METTL8: variants seen among roughly 807,000 people sequenced by gnomAD.
METTL8 encodes tRNA N(3)-cytidine methyltransferase METTL8, mitochondrial.
A neutral mutation model predicts 48.7 loss-of-function variants in METTL8; 32 were observed. The observed-to-expected ratio is 0.66, with a 90% CI of 0.50 to 0.88. The LOEUF is 0.88. METTL8 is among the 40% of genes least tolerant of loss of function. METTL8 has a pLI of 0.00. For missense variants in METTL8, 464 were observed against 474.4 expected, an observed-to-expected ratio of 0.98 and a Z score of 0.20; for synonymous variants, 136 against 157.1, an observed-to-expected ratio of 0.87 and a Z score of 1.01.
At chr2:171,411,345 C>T (rs1017336830) in intron 1 of METTL8, among the ~76,000 whole-genome samples, 3 of 152,140 alleles carry the variant, frequency 2.0e-5, no homozygotes, top group African/African-American at 7.2e-5. Flanking sequence ...CAGAAAAATA[C>T]TACAGGGAGA....
intron 2 of METTL8, among the ~76,000 whole-genome samples, chr2:171,374,462 T>C (rs1469218089): frequency 1.3e-5 from 2 of 152,214 alleles, no homozygotes; most frequent in Non-Finnish European, 2.9e-5. Context: ...TATTTTCCAA[T>C]GTATGGAAGT....
intron 2 of METTL8, among the ~76,000 whole-genome samples, chr2:171,373,977 C>T (rs1686664232): frequency 6.6e-6 from 1 of 152,098 alleles, no homozygotes; most frequent in Non-Finnish European, 1.5e-5. Flanking sequence ...TTTTTTGGTT[C>T]CATGTGAACT....
chr2:171,369,163 G>A lies in METTL8; in HGVS notation c.144-8650C>T, dbSNP rs184314507. Among the ~76,000 whole-genome samples, 77 of 151,548 alleles carry A rather than the reference G, an allele frequency of 5.1e-4. No homozygotes were observed. In the East Asian group the frequency reaches 0.013, roughly 26 times the overall value. On this transcript the variant is annotated intron_variant, in intron 2 of 9. Coordinates refer to ENST00000375258, the MANE Select transcript of METTL8 (RefSeq NM_001321154.2). The stretch of plus-strand genomic sequence containing the variant: ...CACTAAAAAATACAAAAAATTAGCC[G>A]GGCATGGTGGCAGTCGCCTGTAGTC...
intron 1 of METTL8, among the ~76,000 whole-genome samples, chr2:171,402,441 G>C (rs1349138735): frequency 6.6e-6 from 1 of 152,118 alleles, no homozygotes; most frequent in Admixed American, 6.6e-5. Flanking sequence ...CAGAAGCCAG[G>C]TTTCTCATTG....
At chr2:171,345,274 T>G (rs1687156067) in intron 3 of METTL8, among the ~76,000 whole-genome samples, 1 of 152,176 alleles carries the variant, frequency 6.6e-6, no homozygotes, top group African/African-American at 2.4e-5. Context: ...TGAATCACAC[T>G]CAACATCACA....
chr2:171,434,647 G>C, upstream of METTL8: 1 of 1,535,264 alleles, frequency 6.5e-7, no homozygotes. Context: ...CTTCTCGCGC[G>C]ACGCAGGCGT....
At chr2:171,381,663 G>A (rs1277592215) in intron 2 of METTL8, among the ~76,000 whole-genome samples, 1 of 152,048 alleles carries the variant, frequency 6.6e-6, no homozygotes, top group Non-Finnish European at 1.5e-5. Flanking sequence ...CATAATCACT[G>A]ATCTTTAGTG....
At chr2:171,388,730 A>G (rs1688306144) in intron 2 of METTL8, among the ~76,000 whole-genome samples, 1 of 152,140 alleles carries the variant, frequency 6.6e-6, no homozygotes, top group South Asian at 2.1e-4. Context: ...GAGCAAGTCT[A>G]TTGGCACCAT....
intron 1 of METTL8, among the ~76,000 whole-genome samples, chr2:171,404,091 A>ATATG (rs1689933509): frequency 9.3e-6 from 1 of 107,418 alleles, no homozygotes; most frequent in South Asian, 3.0e-4. Context: ...ATATATATAT[A>ATATG]TATATATATG....
At chr2:171,339,606 T>C in intron 3 of METTL8, 52 bp from the exon 4 acceptor site, 2 of 983,642 alleles carry the variant, frequency 2.0e-6, no homozygotes, top group Non-Finnish European at 2.9e-6. Context: ...TTATATTTAC[T>C]ATTAGCTACT....
At chr2:171,381,698 G>T (rs1687554239) in intron 2 of METTL8, among the ~76,000 whole-genome samples, 1 of 151,444 alleles carries the variant, frequency 6.6e-6, no homozygotes, top group Non-Finnish European at 1.5e-5. Flanking sequence ...ACCATGATGA[G>T]ATATCATCTC....
At chr2:171,347,720 A>G (rs1396416008) in intron 3 of METTL8, among the ~76,000 whole-genome samples, 1 of 152,224 alleles carries the variant, frequency 6.6e-6, no homozygotes, top group Non-Finnish European at 1.5e-5. Context: ...CTGCTGGCAA[A>G]GAAGCACAGT....
intron 4 of METTL8, among the ~76,000 whole-genome samples, chr2:171,338,705 T>C (rs749332847): frequency 8.6e-5 from 13 of 152,030 alleles, no homozygotes; most frequent in Non-Finnish European, 1.8e-4. Context: ...CCTTTGTTTG[T>C]AGGATTGGTG....
intron 2 of METTL8, among the ~76,000 whole-genome samples, chr2:171,366,238 G>A (rs564784117): frequency 6.6e-6 from 1 of 152,130 alleles, no homozygotes; most frequent in Non-Finnish European, 1.5e-5. Context: ...AAGCCACAGT[G>A]GAAAGATCTA....
rs574255637 is a variant in METTL8, at chr2:171,361,750, A to G, written c.144-1237T>C. On this transcript the variant is annotated intron_variant, in intron 2 of 9. Coordinates refer to ENST00000375258, the MANE Select transcript of METTL8 (RefSeq NM_001321154.2). ...TGTCACTTCAAAGTCCATCTTCTCAACTATTAGTCTATTATTTTCTACCAT... is the reference window on the plus strand; with the variant it reads ...TGTCACTTCAAAGTCCATCTTCTCAGCTATTAGTCTATTATTTTCTACCAT... Among the ~76,000 whole-genome samples, 3 of 152,290 alleles carry G rather than the reference A, an allele frequency of 2.0e-5. No homozygotes were observed. In the South Asian group the frequency reaches 6.2e-4, roughly 32 times the overall value.
At chr2:171,337,404 A>G in intron 5 of METTL8, 49 bp downstream of exon 5, 1 of 1,393,292 alleles carries the variant, frequency 7.2e-7, no homozygotes, top group African/African-American at 1.5e-5. Context: ...ATTTCTCAAC[A>G]TTCCATAAAT....
Position 171,416,091 on chromosome 2 carries a change from A to G in METTL8, c.-13+17792T>C, listed in dbSNP as rs61705038. Among the ~76,000 whole-genome samples the G allele has an allele frequency of 5.7e-3, 861 of 152,370 alleles. 9 individuals are homozygous for G. Among genetic ancestry groups the G allele is most frequent in the African/African-American group, 0.02 (843 of 41,590 alleles). ...GGCACTTGCTACACTGTTGTTTGACATTATGGCTGCTCTCTCTTTCCATTT... is the reference window on the plus strand; with the variant it reads ...GGCACTTGCTACACTGTTGTTTGACGTTATGGCTGCTCTCTCTTTCCATTT... On this transcript the variant is annotated intron_variant, in intron 1 of 9. Transcript: ENST00000375258.
rs1032087317 is a variant in METTL8 at position 171,371,941 on chromosome 2, G to A, written c.144-11428C>T. On this transcript the variant is annotated intron_variant, in intron 2 of 9. Coordinates refer to ENST00000375258, the MANE Select transcript of METTL8 (RefSeq NM_001321154.2). ...CCTGCATCAAGCGATCTTCCTGCCT[G>A]GCCTCCCATACTGCTGGGATTACAG... is the stretch of plus-strand genomic sequence containing the variant. Among the ~76,000 whole-genome samples the A allele has an allele frequency of 1.8e-4, 27 of 151,528 alleles. 1 individual carries two copies. Among genetic ancestry groups the A allele is most frequent in the Admixed American group, 1.8e-3 (27 of 15,194 alleles).
intron 3 of METTL8, among the ~76,000 whole-genome samples, chr2:171,354,546 A>C (rs946647474): frequency 7.2e-5 from 11 of 152,194 alleles, no homozygotes; most frequent in Middle Eastern, 3.2e-3. Context: ...TAATATCCTG[A>C]AGAGTGTTTT....
Sources: gnomAD v4.1 joint callset for allele counts (sites outside exome capture counted in the v4.1 genomes callset) on GRCh38, gnomAD v4.1.1 for gene constraint, MANE v1.5 for transcripts, NCBI Gene and HGNC (gene_info 2026-07-23, HGNC 2026-07-21) for gene names.